POT1: variants seen among roughly 807,000 people sequenced by gnomAD.
POT1 encodes protection of telomeres 1.
POT1 carries 47 observed loss-of-function variants against 78.5 expected under a neutral mutation model. The ratio of observed to expected loss-of-function variants is 0.60; its 90% CI spans 0.47 to 0.76. The LOEUF (loss-of-function observed/expected upper bound fraction) is 0.76. Ranked by LOEUF, POT1 falls within the 30% of genes least tolerant of loss-of-function variation. The pLI, the probability that POT1 is intolerant of heterozygous loss-of-function variation, is 0.00. For synonymous variants in POT1, 259 were observed against 260.7 expected, an observed-to-expected ratio of 0.99 and a Z score of 0.06; for missense variants, 646 against 749.9, an observed-to-expected ratio of 0.86 and a Z score of 1.62.
chr7:124,842,935 C>T lies in POT1; in HGVS notation c.1035G>A (p.Arg345=), dbSNP rs1426607411. The T allele has an allele frequency of 1.3e-6, 2 of 1,595,746 alleles. No homozygotes were observed. The highest frequency in any genetic ancestry group is 4.5e-5 in the East Asian group (2 of 44,288). ...GTTTCAAAATGGCACATAGTGGTGTCCTCTCCAAATACTGATGATCTGTAA... is the reference window on the plus strand; with the variant it reads ...GTTTCAAAATGGCACATAGTGGTGTTCTCTCCAAATACTGATGATCTGTAA... ...TILTDHQYLE[R]TPLCAILKQK... Residue 345 remains arginine, a synonymous_variant, in exon 13 of 19, where the codon AGG becomes AGA. Coordinates refer to ENST00000357628, the MANE Select transcript of POT1 (RefSeq NM_015450.3).
In POT1 at chr7:124,897,227, G is replaced by C; in HGVS notation, c.-39-15C>G. 2.3e-6 allele frequency: 3 copies of C among 1,276,952 alleles called. No individual in the cohort carries two copies. Among genetic ancestry groups the C allele is most frequent in the Non-Finnish European group, 3.3e-6 (3 of 908,448 alleles). The allele number at this position is 1,276,952 out of a possible 1,614,324, so 79.1% of individuals were successfully genotyped here. On this transcript the variant is annotated splice_polypyrimidine_tract_variant and intron_variant, in intron 4 of 18. Coordinates refer to ENST00000357628, the MANE Select transcript of POT1 (RefSeq NM_015450.3). ...TTGACATAAACCTGAAGGAAAAAAA[G>C]AAAGAACTTATTTGTATACAGATAA... is the stretch of plus-strand genomic sequence containing the variant.
At chr7:124,920,495 T>G (rs1445471960) in intron 2 of POT1, among the ~76,000 whole-genome samples, 2 of 152,194 alleles carry the variant, frequency 1.3e-5, no homozygotes, top group Non-Finnish European at 2.9e-5. Context: ...CATACACATT[T>G]GCACGTATTC....
At chr7:124,865,306 A>T (rs1333550828) in intron 7 of POT1, among the ~76,000 whole-genome samples, 3 of 152,120 alleles carry the variant, frequency 2.0e-5, no homozygotes, top group Non-Finnish European at 4.4e-5. Flanking sequence ...TACCCTGCAT[A>T]AAGTACATTT....
chr7:124,892,099 C>T (rs761925217), intron 6 of POT1, among the ~76,000 whole-genome samples, 167 bp downstream of exon 6: 20 of 151,590 alleles, frequency 1.3e-4, no homozygotes, highest in Non-Finnish European at 2.5e-4. Context: ...CTAAAGATCA[C>T]GTTTATTTTA....
chr7:124,923,452 A>C (rs928653293), intron 2 of POT1, among the ~76,000 whole-genome samples: 4 of 151,882 alleles, frequency 2.6e-5, no homozygotes, highest in African/African-American at 9.7e-5. Context: ...ACAGAACGAA[A>C]TTTTGAAATA....
intron 6 of POT1, among the ~76,000 whole-genome samples, chr7:124,884,235 G>C (rs1354292293): frequency 6.6e-6 from 1 of 151,646 alleles, no homozygotes; most frequent in Non-Finnish European, 1.5e-5. Flanking sequence ...TATAGAACAG[G>C]AAAAGAAAAA....
intron 18 of POT1, 98 bp from the exon 19 acceptor site, chr7:124,824,172 A>C (rs35233302): frequency 1.3e-5 from 9 of 679,570 alleles, no homozygotes; most frequent in Non-Finnish European, 2.2e-5. Flanking sequence ...AGAAAAATTA[A>C]CATTTATTTT....
chr7:124,919,054 T>C (rs1317139803), intron 2 of POT1, among the ~76,000 whole-genome samples: 1 of 152,198 alleles, frequency 6.6e-6, no homozygotes, highest in Non-Finnish European at 1.5e-5. Context: ...CATCAGAGTA[T>C]GCCTAAACCA....
intron 6 of POT1, among the ~76,000 whole-genome samples, chr7:124,888,975 A>G (rs963812821): frequency 1.3e-5 from 2 of 151,992 alleles, no homozygotes; most frequent in Non-Finnish European, 1.5e-5. Flanking sequence ...ATAATGGCCT[A>G]TAAGTGTTCA....
intron 5 of POT1, among the ~76,000 whole-genome samples, chr7:124,896,306 G>C (rs751661267): frequency 2.6e-5 from 4 of 151,546 alleles, no homozygotes; most frequent in Admixed American, 2.6e-4. Flanking sequence ...ATTTATTCCC[G>C]CCTTATTTAC....
intron 6 of POT1, among the ~76,000 whole-genome samples, chr7:124,880,344 T>C (rs1796088370): frequency 6.6e-6 from 1 of 152,076 alleles, no homozygotes; most frequent in Non-Finnish European, 1.5e-5. Flanking sequence ...ATTGATCTAC[T>C]TTCGTAAACT....
At chr7:124,906,772 A>G (rs754723845) in intron 3 of POT1, among the ~76,000 whole-genome samples, 17 of 152,158 alleles carry the variant, frequency 1.1e-4, no homozygotes, top group Non-Finnish European at 2.1e-4. Flanking sequence ...CAAAAACTGA[A>G]GTACAGAACT....
At chr7:124,850,449 C>T (rs1397906494) in intron 11 of POT1, among the ~76,000 whole-genome samples, 1 of 152,182 alleles carries the variant, frequency 6.6e-6, no homozygotes, top group Non-Finnish European at 1.5e-5. Context: ...ATAATGCGGA[C>T]GGGCGCAATG....
chr7:124,826,514 A>G (rs1019423914), intron 17 of POT1, among the ~76,000 whole-genome samples: 21 of 152,166 alleles, frequency 1.4e-4, no homozygotes, highest in Middle Eastern at 3.2e-3. Flanking sequence ...AACTTTATAC[A>G]ATAATATCTA....
chr7:124,924,258 G>A (rs1373643427), intron 2 of POT1, among the ~76,000 whole-genome samples: 1 of 150,308 alleles, frequency 6.7e-6, no homozygotes, highest in African/African-American at 2.4e-5. Flanking sequence ...GAAAAGGAGA[G>A]AAAAGATCCA....
rs1795060845 is a variant in POT1 at position 124,842,832 on chromosome 7, G to A, written c.1138C>T (p.Leu380Phe). The A allele has an allele frequency of 6.2e-7, 1 of 1,600,036 alleles. No homozygotes were observed. The highest frequency in any genetic ancestry group is 8.5e-7 in the Non-Finnish European group (1 of 1,176,708). ...KPRRLFQSVK[L>F]HCPKCHLLQE... ...AGCAAATGACATTTAGGGCAATGAAGTTTAACAGACTGAAATAGTCTTCTG... is the reference window on the plus strand; with the variant it reads ...AGCAAATGACATTTAGGGCAATGAAATTTAACAGACTGAAATAGTCTTCTG... Residue 380 changes from leucine to phenylalanine, a missense_variant, in exon 13 of 19, where the codon CTT (leucine) becomes TTT (phenylalanine). By Grantham distance (22) the Leu-to-Phe change is conservative (BLOSUM62 0). This residue lies in a region of POT1 where 394 missense variants were observed against 408.4 expected (regional missense o/e 0.96). Coordinates refer to ENST00000357628, the MANE Select transcript of POT1 (RefSeq NM_015450.3).
chr7:124,846,152 C>T (rs1795158669), intron 12 of POT1, among the ~76,000 whole-genome samples: 1 of 124,448 alleles, frequency 8.0e-6, no homozygotes, highest in Non-Finnish European at 1.7e-5. Flanking sequence ...TATGAACACA[C>T]ATTCATACTG....
chr7:124,841,348 CT>C (rs1324011492), intron 13 of POT1, among the ~76,000 whole-genome samples, 170 bp from the exon 14 acceptor site: 1 of 151,768 alleles, frequency 6.6e-6, no homozygotes, highest in African/African-American at 2.4e-5. Context: ...GAACAAATAA[CT>C]TTTTTTCAAT....
At chr7:124,874,422 A>C (rs1357441567) in intron 6 of POT1, among the ~76,000 whole-genome samples, 3 of 152,184 alleles carry the variant, frequency 2.0e-5, no homozygotes, top group African/African-American at 7.2e-5. Flanking sequence ...ACATTTTTAA[A>C]TATAAAAAGA....
Sources: gnomAD v4.1 joint callset for allele counts (sites outside exome capture counted in the v4.1 genomes callset) on GRCh38, gnomAD v4.1.1 for gene constraint, gnomAD v4.1.1 regional missense constraint, MANE v1.5 for transcripts, NCBI Gene and HGNC (gene_info 2026-07-23, HGNC 2026-07-21) for gene names.